The following GC variants were observed in gnomAD, a reference collection of about 807,000 sequenced individuals.
The protein encoded by GC is GC vitamin D binding protein.
In GC, 43 loss-of-function variants were observed where a neutral mutation model predicts 56.7. The ratio of observed to expected loss-of-function variants is 0.76; its 90% CI spans 0.59 to 0.98. GC has a LOEUF of 0.98. Ranked by LOEUF, GC falls within the 50% of genes least tolerant of loss-of-function variation. The pLI is 0.00. For synonymous variants in GC, 216 were observed against 202.7 expected, an observed-to-expected ratio of 1.07 and a Z score of -0.56; for missense variants, 529 against 545.9, an observed-to-expected ratio of 0.97 and a Z score of 0.31.
chr4:71,754,456 A>C lies in GC; in HGVS notation c.1217T>G (p.Leu406Arg), dbSNP rs1741651742. ...LSSFIDKGQE[L>R]CADYSENTFT... ...TGTATTTTCTGAATAATCTGCACAT[A>C]GTTCTTGTCCCTTGTCAATGAAAGA... is the stretch of plus-strand genomic sequence containing the variant. Residue 406 changes from leucine (L) to arginine (R), a missense_variant, in exon 10 of 13, where the codon CTA (leucine) becomes CGA (arginine). By Grantham distance (102) the Leu-to-Arg change is moderately radical. Transcript: ENST00000273951. 1.3e-6 allele frequency: 2 copies of C among 1,595,186 alleles called. No homozygotes were observed. Among genetic ancestry groups the C allele is most frequent in the South Asian group, 2.2e-5 (2 of 90,340 alleles).
chr4:71,754,979 T>A lies in GC; in HGVS notation c.1163A>T (p.Lys388Met). ...VEDSTTCFNA[K>M]GPLLKKELSS... Reference sequence around the variant, plus strand: ...ATAAAGAAAATCCAACAAATATACCTTAGCATTAAAACAGGTAGTTGAGTC... The same window carrying A: ...ATAAAGAAAATCCAACAAATATACCATAGCATTAAAACAGGTAGTTGAGTC... The change falls in exon 9 of 13, where the codon AAG (lysine) becomes ATG (methionine). Residue 388 changes from lysine to methionine, a missense_variant and splice_region_variant. Physicochemically the swap from Lys to Met is moderately conservative, Grantham distance 95 (BLOSUM62 -1). Transcript: ENST00000273951. 1 of 1,570,942 alleles carries A rather than the reference T, an allele frequency of 6.4e-7. No individual in the cohort carries two copies. The highest frequency in any genetic ancestry group is 8.6e-7 in the Non-Finnish European group (1 of 1,163,572).
intron 1 of GC, among the ~76,000 whole-genome samples, chr4:71,790,808 C>T (rs955529971): frequency 6.6e-6 from 1 of 151,502 alleles, no homozygotes; most frequent in Admixed American, 6.6e-5. Flanking sequence ...GGTACATGTG[C>T]ACAATGTGCA....
intron 1 of GC, among the ~76,000 whole-genome samples, chr4:71,799,248 C>A (rs1384095907): frequency 6.6e-6 from 1 of 152,088 alleles, no homozygotes; most frequent in Non-Finnish European, 1.5e-5. Flanking sequence ...ATATTTGAAC[C>A]AAGATCCACT....
intron 1 of GC, among the ~76,000 whole-genome samples, chr4:71,791,626 C>T (rs1193254226): frequency 2.0e-5 from 3 of 151,854 alleles, no homozygotes; most frequent in African/African-American, 7.3e-5. Context: ...GTTTCCCTCA[C>T]ATAGGTCTTG....
At chr4:71,757,066 C>A (rs1420935071) in intron 7 of GC, 152 bp from the exon 8 acceptor site, 1 of 605,948 alleles carries the variant, frequency 1.7e-6, no homozygotes, top group Non-Finnish European at 2.9e-6. Context: ...TTTGGAAAGG[C>A]AGTTTGTCAA....
chr4:71,784,205 A>C, upstream of GC: 1 of 1,285,832 alleles, frequency 7.8e-7, no homozygotes, highest in Non-Finnish European at 9.9e-7. Context: ...TTTGGCCCAA[A>C]AGAGATAAAA....
At chr4:71,761,964 G>A (rs1424873726) in intron 6 of GC, among the ~76,000 whole-genome samples, 1 of 152,138 alleles carries the variant, frequency 6.6e-6, no homozygotes, top group Non-Finnish European at 1.5e-5. Context: ...ATGTGGGTGT[G>A]GAACCTCCAA....
intron 1 of GC, among the ~76,000 whole-genome samples, chr4:71,781,443 AT>A (rs1438163072): frequency 3.9e-5 from 6 of 151,936 alleles, no homozygotes; most frequent in South Asian, 4.1e-4. Flanking sequence ...TGCAAAAAAA[AT>A]ATTTTTAGTG....
In GC at chr4:71,765,596, G is replaced by A. The variant is rs372655627; in HGVS notation, c.309C>T (p.Pro103=). 19 of 1,613,426 alleles carry A rather than the reference G, an allele frequency of 1.2e-5. No individual in the cohort carries two copies. The highest frequency in any genetic ancestry group is 1.7e-4 in the Middle Eastern group (1 of 5,950). ...AKSCESNSPF[P]VHPGTAECCT... ...AGCACTCAGCAGTGCCTGGGTGAAC[G>A]GGGAATGGAGAATTACTTTCACAGG... is the stretch of plus-strand genomic sequence containing the variant. The change falls in exon 4 of 13, where the codon CCC becomes CCT. Residue 103 remains proline (P), a synonymous_variant. Transcript: ENST00000273951.
At chr4:71,769,470 T>C (rs2149302228) in intron 1 of GC, 70 bp from the exon 2 acceptor site, 1 of 993,480 alleles carries the variant, frequency 1.0e-6, no homozygotes, top group South Asian at 1.4e-5. Flanking sequence ...TGTACATGTA[T>C]AAAGTGATCT....
intron 12 of GC, among the ~76,000 whole-genome samples, chr4:71,742,782 G>T (rs767465618): frequency 7.9e-5 from 12 of 152,294 alleles, no homozygotes; most frequent in Middle Eastern, 3.4e-3. Flanking sequence ...AGACCATCCT[G>T]GCTAACATGG....
chr4:71,801,725 GAAT>G (rs1267500681), intron 1 of GC, among the ~76,000 whole-genome samples: 3 of 151,792 alleles, frequency 2.0e-5, no homozygotes, highest in Non-Finnish European at 4.4e-5. Context: ...CTATAAAAAT[GAAT>G]AATAATAATG....
At chr4:71,798,298 A>G (rs768529861) in intron 1 of GC, among the ~76,000 whole-genome samples, 3 of 152,222 alleles carry the variant, frequency 2.0e-5, no homozygotes, top group Non-Finnish European at 2.9e-5. Context: ...TGTCTACTAC[A>G]TACTGTGTTT....
chr4:71,767,512 A>G (rs1212465193), intron 3 of GC, among the ~76,000 whole-genome samples: 1 of 151,864 alleles, frequency 6.6e-6, no homozygotes, highest in East Asian at 1.9e-4. Flanking sequence ...AGCACTTGGT[A>G]CCAGTCCTGG....
intron 6 of GC, among the ~76,000 whole-genome samples, chr4:71,760,138 G>C (rs923836998): frequency 2.0e-5 from 3 of 151,164 alleles, no homozygotes; most frequent in Non-Finnish European, 4.4e-5. Context: ...CTGCCTCCCA[G>C]GTTCATGCCA....
chr4:71,798,229 C>T (rs1743160453), intron 1 of GC, among the ~76,000 whole-genome samples: 1 of 152,146 alleles, frequency 6.6e-6, no homozygotes, highest in African/African-American at 2.4e-5. Context: ...GCTTTTAATT[C>T]TTCCAACATA....
chr4:71,804,362 T>C (rs1216661807), upstream of GC, among the ~76,000 whole-genome samples: 1 of 152,162 alleles, frequency 6.6e-6, no homozygotes, highest in Non-Finnish European at 1.5e-5. Context: ...TTTCCCCCTT[T>C]TGGGGAGCAG....
At chr4:71,746,227 T>C in intron 11 of GC, 22 bp from the exon 12 acceptor site, 2 of 1,104,098 alleles carry the variant, frequency 1.8e-6, no homozygotes, top group Non-Finnish European at 2.8e-6. Flanking sequence ...AAAAGAATGT[T>C]ATATAACTTA....
At chr4:71,744,149 A>G (rs1741274175) in intron 12 of GC, among the ~76,000 whole-genome samples, 1 of 152,090 alleles carries the variant, frequency 6.6e-6, no homozygotes, top group Admixed American at 6.5e-5. Context: ...GTTAGCATCA[A>G]AAATACTTCT....
Sources: gnomAD v4.1 joint callset for allele counts (sites outside exome capture counted in the v4.1 genomes callset) on GRCh38, gnomAD v4.1.1 for gene constraint, MANE v1.5 for transcripts, NCBI Gene and HGNC (gene_info 2026-07-23, HGNC 2026-07-21) for gene names.